Variants in KLHL5 observed in about 807,000 individuals in gnomAD.
The protein encoded by KLHL5 is kelch like family member 5, also known as kelch-like protein 5.
A neutral mutation model predicts 77.7 loss-of-function variants in KLHL5; 48 were observed. That is an observed-to-expected ratio of 0.62 (90% CI 0.49 to 0.79). The LOEUF is 0.79. KLHL5 is among the 30% of genes least tolerant of loss of function. The pLI is 0.00. For missense variants in KLHL5, 723 were observed against 859.7 expected (o/e 0.84, Z 1.99); for synonymous variants, 260 against 297.0 (o/e 0.88, Z 1.28).
chr4:39,056,397 G>A (rs889913096), intron 1 of KLHL5, among the ~76,000 whole-genome samples: 17 of 152,232 alleles, frequency 1.1e-4, no homozygotes, highest in African/African-American at 3.6e-4. Flanking sequence ...CACTGCACCC[G>A]GCCTGAATTT....
intron 6 of KLHL5, among the ~76,000 whole-genome samples, chr4:39,101,571 G>A (rs1721548280): frequency 6.6e-6 from 1 of 152,050 alleles, no homozygotes; most frequent in Non-Finnish European, 1.5e-5. Context: ...GTAAAGGCCG[G>A]GCAAAATGGC....
At chr4:39,140,319 G>A in the KLHL5 span, among the ~76,000 whole-genome samples, 1 of 152,148 alleles carries the variant, frequency 6.6e-6, no homozygotes, top group African/African-American at 2.4e-5. Context: ...TGAAACAACT[G>A]TCAACTTGAA....
chr4:39,086,770 T>G (rs749412762), intron 5 of KLHL5, 43 bp downstream of exon 5: 1 of 1,419,896 alleles, frequency 7.0e-7, no homozygotes. Context: ...TCTTTGCCTA[T>G]TCTATCAAAG....
intron 1 of KLHL5, among the ~76,000 whole-genome samples, chr4:39,052,571 C>T (rs1184456125): frequency 6.6e-6 from 1 of 151,960 alleles, no homozygotes; most frequent in Non-Finnish European, 1.5e-5. Flanking sequence ...CAAAAACAAA[C>T]AAAAGTAAAT....
intron 10 of KLHL5, among the ~76,000 whole-genome samples, chr4:39,118,647 T>C (rs1399568265): frequency 6.6e-6 from 1 of 152,006 alleles, no homozygotes; most frequent in East Asian, 1.9e-4. Flanking sequence ...TCCCAGCTAC[T>C]TGGGAGGCTG....
the KLHL5 span, among the ~76,000 whole-genome samples, chr4:39,132,015 C>G: frequency 6.6e-6 from 1 of 152,140 alleles, no homozygotes; most frequent in African/African-American, 2.4e-5. Flanking sequence ...TCGGTTCTGT[C>G]GACCTCCCAG....
At chr4:39,127,252 C>T (rs930033779), downstream of KLHL5, among the ~76,000 whole-genome samples, 9 of 151,422 alleles carry the variant, frequency 5.9e-5, no homozygotes, top group Non-Finnish European at 1.3e-4. Flanking sequence ...GCCCAGGAGA[C>T]GGAGGTTGCA....
At chr4:39,126,613 C>A (rs759736013), downstream of KLHL5, 9 of 405,472 alleles carry the variant, frequency 2.2e-5, no homozygotes, top group Non-Finnish European at 4.4e-5. Context: ...AAATCTAGTG[C>A]CCTGGATCTT....
At chr4:39,073,027 A>G (rs1422981802) in intron 1 of KLHL5, among the ~76,000 whole-genome samples, 1 of 152,232 alleles carries the variant, frequency 6.6e-6, no homozygotes, top group African/African-American at 2.4e-5. Flanking sequence ...TTCACTACAT[A>G]TACATGTATC....
In KLHL5 at chr4:39,062,608, G is replaced by A; in HGVS notation, c.-45G>A. ...GGTTGGATGCACAAATCTGTGTGCA[G>A]TGCTTTTTGCCCGTTGCCTAGACGA... On this transcript the variant is annotated 5_prime_UTR_variant, in exon 1 of 11. It adds an upstream start codon to the 5' untranslated region. Coordinates refer to ENST00000504108, the MANE Select transcript of KLHL5 (RefSeq NM_015990.5). 1 of 1,614,174 alleles carries A rather than the reference G, an allele frequency of 6.2e-7. No homozygotes were observed.
intron 8 of KLHL5, among the ~76,000 whole-genome samples, chr4:39,108,422 A>G (rs1722205920): frequency 1.3e-5 from 2 of 152,170 alleles, no homozygotes; most frequent in Admixed American, 6.5e-5. Flanking sequence ...AAAGAAATGA[A>G]TCAAGGTTAA....
rs1476823939 is a variant in KLHL5, at chr4:39,115,341, C to T, written c.2073+11C>T. On this transcript the variant is annotated intron_variant, in intron 10 of 10. Coordinates refer to ENST00000504108, the MANE Select transcript of KLHL5 (RefSeq NM_015990.5). ...AATGAGTGGACCCAGGTATGGCATT[C>T]ATGTTTCATTATTACACTGACTCTC... The T allele has an allele frequency of 6.2e-7, 1 of 1,613,602 alleles. No individual in the cohort carries two copies. The highest frequency in any genetic ancestry group is 1.3e-5 in the African/African-American group (1 of 74,900).
intron 2 of KLHL5, among the ~76,000 whole-genome samples, chr4:39,079,739 A>G (rs1719435766): frequency 6.6e-6 from 1 of 152,230 alleles, no homozygotes; most frequent in South Asian, 2.1e-4. Context: ...AAGAGAAGGG[A>G]TCTTTTGTCT....
intron 1 of KLHL5, among the ~76,000 whole-genome samples, chr4:39,067,590 C>A (rs1718008466): frequency 6.6e-6 from 1 of 151,852 alleles, no homozygotes; most frequent in Non-Finnish European, 1.5e-5. Flanking sequence ...CACCTTCTTT[C>A]TTCAGTTAAT....
rs989613600 is a variant in KLHL5 at position 39,082,268 on chromosome 4, C to T, written c.900+109C>T. ...TCCCATGGCTCTGCCACGTGTCTTGCGATTGAGCTTCATTGCCTAGTGTGT... is the reference window on the plus strand; with the variant it reads ...TCCCATGGCTCTGCCACGTGTCTTGTGATTGAGCTTCATTGCCTAGTGTGT... On this transcript the variant is annotated intron_variant, in intron 4 of 10. Transcript: ENST00000504108. The T allele has an allele frequency of 6.9e-6, 6 of 863,678 alleles. 1 individual carries two copies. Among genetic ancestry groups the T allele is most frequent in the South Asian group, 5.5e-5 (3 of 54,890 alleles). The allele number at this position is 863,678 out of a possible 1,614,324, so 53.5% of individuals were successfully genotyped here.
rs1719634601 is a variant in KLHL5, at chr4:39,081,691, G to A, written c.704-272G>A. On this transcript the variant is annotated intron_variant, in intron 3 of 10. Transcript: ENST00000504108. The surrounding 1 kb of genome is among the most constrained non-coding windows in gnomAD (Gnocchi z 4.3). ...TCTCAAAAAAAAAAAAAAATTGAGA[G>A]TTATACAGGTATATAGTAGACATAA... 6.6e-6 allele frequency among the ~76,000 whole-genome samples: 1 copy of A among 151,802 alleles called. No individual in the cohort carries two copies. Among genetic ancestry groups the A allele is most frequent in the South Asian group, 2.1e-4 (1 of 4,826 alleles).
At chr4:39,116,985 C>T (rs896469258) in intron 10 of KLHL5, among the ~76,000 whole-genome samples, 1 of 152,022 alleles carries the variant, frequency 6.6e-6, no homozygotes. Context: ...TACAGGTGCC[C>T]GCCACCACAC....
intron 7 of KLHL5, among the ~76,000 whole-genome samples, chr4:39,103,821 A>ATT (rs1207936153): frequency 8.2e-6 from 1 of 122,020 alleles, no homozygotes; most frequent in Admixed American, 9.5e-5. Context: ...TAGCTGGGAA[A>ATT]TTTTTTTTTT....
chr4:39,142,861 C>T, the KLHL5 span, among the ~76,000 whole-genome samples: 1 of 149,650 alleles, frequency 6.7e-6, no homozygotes, highest in African/African-American at 2.5e-5. Context: ...AAAAAAATAA[C>T]ATAATTACAG....
Sources: gnomAD v4.1 joint callset for allele counts (sites outside exome capture counted in the v4.1 genomes callset) on GRCh38, gnomAD v4.1.1 for gene constraint, Gnocchi (gnomAD v3.1) non-coding constraint, MANE v1.5 for transcripts, NCBI Gene and HGNC (gene_info 2026-07-23, HGNC 2026-07-21) for gene names.